The following COG5 variants were observed in gnomAD, a reference collection of about 807,000 sequenced individuals.
COG5 encodes component of oligomeric golgi complex 5.
In COG5, 86 loss-of-function variants were observed where a neutral mutation model predicts 110.4. The ratio of observed to expected loss-of-function variants is 0.78; its 90% CI spans 0.65 to 0.93. The LOEUF is 0.93. COG5 is among the 40% of genes least tolerant of loss of function. The pLI is 0.00. For missense variants in COG5, 1,077 were observed against 987.0 expected (o/e 1.09, Z -1.22); for synonymous variants, 360 against 334.6 (o/e 1.08, Z -0.83).
intron 10 of COG5, among the ~76,000 whole-genome samples, chr7:107,335,452 A>C (rs1437900029): frequency 6.6e-6 from 1 of 152,212 alleles, no homozygotes; most frequent in African/African-American, 2.4e-5. Flanking sequence ...TAATGATTCA[A>C]AAGTCCCTAA....
chr7:107,358,754 G>T (rs147673387), intron 10 of COG5, among the ~76,000 whole-genome samples: 79 of 152,182 alleles, frequency 5.2e-4, no homozygotes, highest in African/African-American at 1.8e-3. Flanking sequence ...TAAAACTCTG[G>T]ACTCATAAGC....
intron 5 of COG5, among the ~76,000 whole-genome samples, chr7:107,527,604 T>C (rs1800870536): frequency 6.6e-6 from 1 of 152,162 alleles, no homozygotes; most frequent in African/African-American, 2.4e-5. Context: ...ATGCTTTTTT[T>C]GTTTCCCACC....
intron 19 of COG5, among the ~76,000 whole-genome samples, chr7:107,212,816 G>A (rs1799273082): frequency 2.0e-5 from 3 of 152,196 alleles, no homozygotes; most frequent in South Asian, 2.1e-4. Context: ...CATTAGAAGA[G>A]TAAGAGGCAT....
At chr7:107,448,849 C>CA (rs946812941) in intron 6 of COG5, among the ~76,000 whole-genome samples, 57 of 151,110 alleles carry the variant, frequency 3.8e-4, no homozygotes, top group African/African-American at 1.0e-3. Context: ...CTAGAAATAT[C>CA]AAAAAAATTA....
chr7:107,520,813 C>G (rs1800270238), intron 6 of COG5, among the ~76,000 whole-genome samples: 1 of 152,030 alleles, frequency 6.6e-6, no homozygotes, highest in African/African-American at 2.4e-5. Flanking sequence ...TCATATGGAA[C>G]CAAAAAAGAG....
intron 11 of COG5, among the ~76,000 whole-genome samples, chr7:107,306,427 G>A (rs1807722614): frequency 6.6e-6 from 1 of 151,990 alleles, no homozygotes; most frequent in African/African-American, 2.4e-5. Flanking sequence ...TTATAGTTCA[G>A]AAAAACTCAA....
At chr7:107,300,475 A>G (rs1051541406) in intron 11 of COG5, among the ~76,000 whole-genome samples, 3 of 152,234 alleles carry the variant, frequency 2.0e-5, no homozygotes, top group Non-Finnish European at 4.4e-5. Flanking sequence ...AACTGAATTT[A>G]GCAAAGTTGC....
At chr7:107,465,646 C>T (rs1796250646) in intron 6 of COG5, among the ~76,000 whole-genome samples, 1 of 152,082 alleles carries the variant, frequency 6.6e-6, no homozygotes, top group African/African-American at 2.4e-5. Context: ...CTGAATATAC[C>T]TGGCAGAAAG....
intron 6 of COG5, among the ~76,000 whole-genome samples, chr7:107,462,802 C>T (rs752293196): frequency 6.6e-6 from 1 of 152,114 alleles, no homozygotes; most frequent in Non-Finnish European, 1.5e-5. Flanking sequence ...TGATGGCAAT[C>T]TGGGAGGTAC....
At chr7:107,436,640 T>TTA (rs1794387512) in intron 6 of COG5, among the ~76,000 whole-genome samples, 1 of 152,326 alleles carries the variant, frequency 6.6e-6, no homozygotes, top group East Asian at 1.9e-4. Context: ...AAGTTCTATT[T>TTA]TATGTGTAGC....
intron 5 of COG5, 86 bp downstream of exon 5, chr7:107,548,022 ACTT>A: frequency 9.3e-7 from 1 of 1,075,758 alleles, no homozygotes; most frequent in African/African-American, 1.6e-5. Context: ...CCATTCTCTT[ACTT>A]CTTCCAAACT....
chr7:107,267,796 C>T (rs905796911), intron 14 of COG5, among the ~76,000 whole-genome samples: 3 of 152,004 alleles, frequency 2.0e-5, no homozygotes, highest in African/African-American at 7.2e-5. Context: ...TGGCTTACAC[C>T]TATAATCCCA....
intron 11 of COG5, among the ~76,000 whole-genome samples, chr7:107,311,226 T>A (rs971992958): frequency 1.1e-4 from 16 of 152,198 alleles, no homozygotes; most frequent in African/African-American, 3.9e-4. Flanking sequence ...ATTAACAATG[T>A]GTGAGACTGA....
chr7:107,508,380 C>A (rs139208912), intron 6 of COG5, among the ~76,000 whole-genome samples: 10 of 152,166 alleles, frequency 6.6e-5, no homozygotes, highest in East Asian at 1.9e-4. Flanking sequence ...AAAGCAGCCC[C>A]GAAGCTCCAA....
chr7:107,546,249 T>C (rs1192608219), intron 5 of COG5, among the ~76,000 whole-genome samples: 13 of 152,024 alleles, frequency 8.6e-5, no homozygotes, highest in Non-Finnish European at 1.8e-4. Flanking sequence ...CAGCAATAAA[T>C]GTCTACATCA....
At chr7:107,471,507 C>CCCTG (rs1255788005) in intron 6 of COG5, 2 of 151,826 alleles carry the variant, frequency 1.3e-5, no homozygotes, top group Non-Finnish European at 2.9e-5. Context: ...GGAGTTAAAA[C>CCCTG]CAGGGAATAG....
At chr7:107,497,625 A>G (rs1002473665) in intron 6 of COG5, among the ~76,000 whole-genome samples, 1 of 152,178 alleles carries the variant, frequency 6.6e-6, no homozygotes, top group Admixed American at 6.5e-5. Context: ...TACAAATAAA[A>G]GAAACTAAAG....
chr7:107,541,519 A>ATATATATATATATAT (rs1554460344), intron 5 of COG5, among the ~76,000 whole-genome samples: 1 of 78,212 alleles, frequency 1.3e-5, no homozygotes, highest in Non-Finnish European at 2.8e-5. Flanking sequence ...AAAAAAAAAA[A>ATATATATATATATAT]AAAAATATAT....
At chr7:107,466,264 A>C (rs1028350165) in intron 6 of COG5, among the ~76,000 whole-genome samples, 5 of 152,218 alleles carry the variant, frequency 3.3e-5, no homozygotes, top group Admixed American at 3.3e-4. Context: ...TAGACATGCC[A>C]ACAGTTGTGC....
Sources: allele counts gnomAD v4.1 joint callset (sites outside exome capture counted in the v4.1 genomes callset), GRCh38; gene constraint gnomAD v4.1.1; transcripts MANE v1.5; gene names NCBI Gene and HGNC (gene_info 2026-07-23, HGNC 2026-07-21).